TACR1: variants seen among roughly 807,000 people sequenced by gnomAD.
TACR1 encodes tachykinin receptor 1.
TACR1 carries 25 observed loss-of-function variants against 35.8 expected under a neutral mutation model. The observed-to-expected ratio is 0.70, with a 90% CI of 0.51 to 0.98. The LOEUF is 0.98. TACR1 is among the 50% of genes least tolerant of loss of function. The pLI is 0.00. For synonymous variants in TACR1, 195 were observed against 206.7 expected, an observed-to-expected ratio of 0.94 and a Z score of 0.48; for missense variants, 478 against 522.9, an observed-to-expected ratio of 0.91 and a Z score of 0.84.
chr2:75,137,100 C>G (rs1170708201), intron 1 of TACR1, among the ~76,000 whole-genome samples: 3 of 152,098 alleles, frequency 2.0e-5, no homozygotes, highest in Non-Finnish European at 4.4e-5. Flanking sequence ...ATGAGTGTTC[C>G]TTGTATACTC....
At chr2:75,094,860 T>TATATATA (rs1491102755) in intron 2 of TACR1, among the ~76,000 whole-genome samples, 40 of 50,424 alleles carry the variant, frequency 7.9e-4, no homozygotes, top group East Asian at 7.6e-3. Flanking sequence ...TATATATATA[T>TATATATA]TTTTTTTTTT....
At chr2:75,094,325 C>T (rs566065310) in intron 2 of TACR1, among the ~76,000 whole-genome samples, 21 of 152,220 alleles carry the variant, frequency 1.4e-4, no homozygotes, top group South Asian at 4.2e-4. Flanking sequence ...GGAATTTCGT[C>T]GGGTAAAGTA....
intron 1 of TACR1, among the ~76,000 whole-genome samples, chr2:75,144,578 G>A (rs1674468070): frequency 1.3e-5 from 2 of 152,044 alleles, no homozygotes; most frequent in African/African-American, 2.4e-5. Flanking sequence ...AAACTCATCC[G>A]AAGAATCAAA....
At chr2:75,132,082 T>C (rs1674188679) in intron 1 of TACR1, among the ~76,000 whole-genome samples, 1 of 152,202 alleles carries the variant, frequency 6.6e-6, no homozygotes, top group African/African-American at 2.4e-5. Flanking sequence ...TTGGAAATTC[T>C]TGATTGGCTC....
At chr2:75,120,149 A>C (rs1051319426) in intron 2 of TACR1, among the ~76,000 whole-genome samples, 1 of 152,196 alleles carries the variant, frequency 6.6e-6, no homozygotes, top group South Asian at 2.1e-4. Context: ...TAGACAGAGC[A>C]GCCCCTCAAT....
At chr2:75,186,634 T>G (rs1675710793) in intron 1 of TACR1, among the ~76,000 whole-genome samples, 1 of 148,956 alleles carries the variant, frequency 6.7e-6, no homozygotes, top group Non-Finnish European at 1.5e-5. Flanking sequence ...CAATAGTAAG[T>G]TATTTTTCTT....
chr2:75,132,612 T>G lies in TACR1; in HGVS notation c.390-11844A>C, dbSNP rs569582767. On this transcript the variant is annotated intron_variant, in intron 1 of 4. Coordinates refer to ENST00000305249, the MANE Select transcript of TACR1 (RefSeq NM_001058.4). ...TCTCTGGGTTTGCTTCTGCAGGTTC[T>G]CACTCATGGTGACCTCTTCCATTAT... 7.2e-5 allele frequency among the ~76,000 whole-genome samples: 11 copies of G among 152,378 alleles called. No homozygotes were observed. The South Asian group carries it at 2.3e-3, about 32-fold the overall frequency.
At chr2:75,185,177 C>A (rs937941850) in intron 1 of TACR1, among the ~76,000 whole-genome samples, 1 of 151,616 alleles carries the variant, frequency 6.6e-6, no homozygotes, top group Admixed American at 6.6e-5. Context: ...GGTGTTTGAA[C>A]AATAGGATAA....
intron 3 of TACR1, among the ~76,000 whole-genome samples, chr2:75,052,847 A>G (rs1023550651): frequency 1.3e-5 from 2 of 151,912 alleles, no homozygotes; most frequent in African/African-American, 4.8e-5. Context: ...GATAAGAATT[A>G]AATTTTTTTA....
rs1672471175 is a variant in TACR1, at chr2:75,051,533, G to C, written c.736-86C>G. On this transcript the variant is annotated intron_variant, in intron 3 of 4. Transcript: ENST00000305249. ...CTCTCTCCTCCCACGCCCTCACTGTGCACAGTATGGGATGAAGCGAGAAGT... is the reference window on the plus strand; with the variant it reads ...CTCTCTCCTCCCACGCCCTCACTGTCCACAGTATGGGATGAAGCGAGAAGT... 1.9e-6 allele frequency: 3 copies of C among 1,569,702 alleles called. No individual in the cohort carries two copies. The African/African-American group carries it at 4.1e-5, about 21-fold the overall frequency.
At chr2:75,058,153 CAACTTATCAAAAATTAT>C (rs67154793) in intron 2 of TACR1, among the ~76,000 whole-genome samples, 4,561 of 152,212 alleles carry the variant, frequency 0.03, 92 homozygotes, top group Non-Finnish European at 0.042. Context: ...AAACAGTGTC[CAACTTATCAAAAATTAT>C]AAGTGAATGT....
rs562407578 is a variant in TACR1 at position 75,191,027 on chromosome 2, T to C, written c.389+7519A>G. ...TCATATGTAGCATTAAAACTCATGC[T>C]GATTCGTATGTCTCCAGGTCATCAT... On this transcript the variant is annotated intron_variant, in intron 1 of 4. Coordinates refer to ENST00000305249, the MANE Select transcript of TACR1 (RefSeq NM_001058.4). Among the ~76,000 whole-genome samples, 3 of 152,358 alleles carry C rather than the reference T, an allele frequency of 2.0e-5. No individual in the cohort carries two copies. The East Asian group carries it at 5.8e-4, about 29-fold the overall frequency.
chr2:75,123,400 C>T (rs1466112213), intron 1 of TACR1, among the ~76,000 whole-genome samples: 4 of 152,156 alleles, frequency 2.6e-5, no homozygotes, highest in African/African-American at 7.2e-5. Flanking sequence ...CTCGAATTGG[C>T]GATACACCAT....
chr2:75,144,079 A>C (rs13002810), intron 1 of TACR1, among the ~76,000 whole-genome samples: 1 of 152,220 alleles, frequency 6.6e-6, no homozygotes, highest in South Asian at 2.1e-4. Context: ...TTCCACGATC[A>C]TGGGGAACTT....
chr2:75,175,520 C>A lies in TACR1; in HGVS notation c.389+23026G>T, dbSNP rs568640128. ...AGACTCTAGGAGAATAACTTTGACC[C>A]TTCTTTTTTCAGATTCTAGAGGCTG... On this transcript the variant is annotated intron_variant, in intron 1 of 4. Coordinates refer to ENST00000305249, the MANE Select transcript of TACR1 (RefSeq NM_001058.4). Among the ~76,000 whole-genome samples the A allele has an allele frequency of 2.0e-5, 3 of 152,246 alleles. No homozygotes were observed. The East Asian group carries it at 5.8e-4, about 29-fold the overall frequency.
rs774104723 is a variant in TACR1 at position 75,053,713 on chromosome 2, C to G, written c.627G>C (p.Leu209=). ...CGGTGTATGCATAGCCAATCACCAG[C>G]AGGGGGAGGAAGTAGATCAGCACAG... ...CVTVLIYFLP[L]LVIGYAYTVV... is the part of the protein sequence containing the mutation. The change falls in exon 3 of 5, where the codon CTG becomes CTC. Residue 209 remains leucine (L), a synonymous_variant. Transcript: ENST00000305249. 6.8e-6 allele frequency: 11 copies of G among 1,614,088 alleles called. No homozygotes were observed. Among genetic ancestry groups the G allele is most frequent in the Non-Finnish European group, 9.3e-6 (11 of 1,179,970 alleles).
chr2:75,198,973 A>AC lies in TACR1; in HGVS notation c.-40dup, dbSNP rs756563233. 1.3e-6 allele frequency: 2 copies of AC among 1,593,296 alleles called. No homozygotes were observed. Among genetic ancestry groups the AC allele is most frequent in the South Asian group, 2.3e-5 (2 of 87,562 alleles). The stretch of plus-strand genomic sequence containing the variant: ...GGTAAAGCCCTACTATCTGTACACA[A>AC]CCCCCCTCTGCAGCAGAGTCCTGTG... On this transcript the variant is annotated 5_prime_UTR_variant, in exon 1 of 5. Transcript: ENST00000305249.
chr2:75,051,124 T>C, intron 4 of TACR1, 127 bp downstream of exon 4: 2 of 1,191,258 alleles, frequency 1.7e-6, no homozygotes, highest in Admixed American at 1.9e-5. Flanking sequence ...GATGATAAGT[T>C]AGCTGCAGTC....
chr2:75,060,486 C>T (rs1672649394), intron 2 of TACR1, among the ~76,000 whole-genome samples: 1 of 151,814 alleles, frequency 6.6e-6, no homozygotes, highest in African/African-American at 2.4e-5. Context: ...AGTGCAAAGG[C>T]ATGGGGGAGG....
Sources: allele counts gnomAD v4.1 joint callset (sites outside exome capture counted in the v4.1 genomes callset), GRCh38; gene constraint gnomAD v4.1.1; transcripts MANE v1.5; gene names NCBI Gene and HGNC (gene_info 2026-07-23, HGNC 2026-07-21).